The following MAPKAP1 variants were observed in gnomAD, a reference collection of about 807,000 sequenced individuals.
MAPKAP1 encodes the protein target of rapamycin complex 2 subunit MAPKAP1.
Under a neutral mutation model 65.7 loss-of-function variants are expected in MAPKAP1, and 20 were observed. The ratio of observed to expected loss-of-function variants is 0.30; its 90% CI spans 0.21 to 0.44. The LOEUF (loss-of-function observed/expected upper bound fraction) is 0.44, where lower values mean the gene tolerates loss of function less well. Among genes scored for constraint, MAPKAP1 ranks in the 20% least tolerant of loss-of-function variants. The pLI, the probability that MAPKAP1 is intolerant of heterozygous loss-of-function variation, is 1.00. For missense variants in MAPKAP1, 423 were observed against 648.0 expected, an observed-to-expected ratio of 0.65 and a Z score of 3.77; for synonymous variants, 222 against 244.3, an observed-to-expected ratio of 0.91 and a Z score of 0.85.
At chr9:125,536,654 A>G (rs912869413) in intron 7 of MAPKAP1, among the ~76,000 whole-genome samples, 2 of 152,160 alleles carry the variant, frequency 1.3e-5, no homozygotes, top group Non-Finnish European at 2.9e-5. Flanking sequence ...GGAAATCACA[A>G]ATTTGTGTCC....
At chr9:125,511,327 T>A (rs1000554691) in intron 7 of MAPKAP1, among the ~76,000 whole-genome samples, 7 of 152,174 alleles carry the variant, frequency 4.6e-5, no homozygotes, top group African/African-American at 1.7e-4. Context: ...ATTCACTCTT[T>A]GGTCACCCTA....
At chr9:125,459,439 G>A (rs1217635178) in intron 10 of MAPKAP1, among the ~76,000 whole-genome samples, 6 of 151,328 alleles carry the variant, frequency 4.0e-5, no homozygotes, top group South Asian at 2.1e-4. Flanking sequence ...CTGCAATCTC[G>A]GCACTTTGGG....
At chr9:125,670,922 T>C (rs889939142) in intron 2 of MAPKAP1, among the ~76,000 whole-genome samples, 2 of 152,230 alleles carry the variant, frequency 1.3e-5, no homozygotes, top group African/African-American at 2.4e-5. Context: ...TGCCTTAGCA[T>C]TGTGGTAGGG....
intron 4 of MAPKAP1, among the ~76,000 whole-genome samples, chr9:125,588,279 T>A (rs990895468): frequency 6.6e-6 from 1 of 152,144 alleles, no homozygotes; most frequent in Admixed American, 6.5e-5. Flanking sequence ...GAAAACATCA[T>A]GCTAAGAGAA....
At chr9:125,469,060 T>A (rs1238290308) in intron 9 of MAPKAP1, among the ~76,000 whole-genome samples, 1 of 152,182 alleles carries the variant, frequency 6.6e-6, no homozygotes, top group Non-Finnish European at 1.5e-5. Context: ...AATTAAGGAA[T>A]CTGTTCATGA....
At chr9:125,657,119 A>T (rs926711737) in intron 4 of MAPKAP1, among the ~76,000 whole-genome samples, 2 of 152,326 alleles carry the variant, frequency 1.3e-5, no homozygotes, top group Non-Finnish European at 2.9e-5. Context: ...CAGTTATAAT[A>T]ATCAGCCAAG....
intron 6 of MAPKAP1, among the ~76,000 whole-genome samples, chr9:125,550,360 C>T (rs1454095180): frequency 2.6e-5 from 4 of 152,084 alleles, no homozygotes; most frequent in African/African-American, 9.7e-5. Flanking sequence ...CTAAACATGG[C>T]CAAAGGGGGA....
At chr9:125,467,860 C>T (rs1589217068) in intron 10 of MAPKAP1, 112 bp downstream of exon 10, 1 of 1,208,622 alleles carries the variant, frequency 8.3e-7, no homozygotes, top group Admixed American at 2.3e-5. Context: ...TGAATTAAAA[C>T]AGACCCAAGG....
At chr9:125,531,625 T>G (rs143802446) in intron 7 of MAPKAP1, among the ~76,000 whole-genome samples, 1 of 152,240 alleles carries the variant, frequency 6.6e-6, no homozygotes, top group Non-Finnish European at 1.5e-5. Context: ...GTATCAACAG[T>G]ATCTAAATGA....
chr9:125,567,290 T>C (rs564602605), intron 5 of MAPKAP1, among the ~76,000 whole-genome samples: 2 of 152,318 alleles, frequency 1.3e-5, no homozygotes, highest in African/African-American at 4.8e-5. Context: ...GGTTAAGGCA[T>C]TTGGATGAGA....
chr9:125,541,912 G>A (rs1275397978), intron 7 of MAPKAP1, among the ~76,000 whole-genome samples: 3 of 152,186 alleles, frequency 2.0e-5, no homozygotes, highest in Admixed American at 2.0e-4. Flanking sequence ...ATCAAACGGC[G>A]CAGTCAGCTG....
chr9:125,438,747 C>T lies in MAPKAP1; in HGVS notation c.*140G>A, dbSNP rs567356027. On this transcript the variant is annotated 3_prime_UTR_variant, in exon 12 of 12. Coordinates refer to ENST00000265960, the MANE Select transcript of MAPKAP1 (RefSeq NM_001006617.3). ...CCTAGGGGGCCCCCGACACCTTCCC[C>T]GAGAGCCCACCTGCCCTGTGCCAGT... 2.4e-4 allele frequency: 283 copies of T among 1,197,370 alleles called. No homozygotes were observed. The South Asian group carries it at 3.8e-3, about 16-fold the overall frequency. The allele number at this position is 1,197,370 out of a possible 1,614,324, so 74.2% of individuals were successfully genotyped here.
chr9:125,631,053 C>T (rs948177668), intron 4 of MAPKAP1, among the ~76,000 whole-genome samples: 2 of 151,726 alleles, frequency 1.3e-5, no homozygotes, highest in African/African-American at 4.8e-5. Context: ...GCTGTCATCA[C>T]ACCACTGCAC....
At chr9:125,619,865 A>G (rs1171620944) in intron 4 of MAPKAP1, among the ~76,000 whole-genome samples, 1 of 152,162 alleles carries the variant, frequency 6.6e-6, no homozygotes, top group Admixed American at 6.5e-5. Flanking sequence ...ATAATAAACT[A>G]GGCTAATCTC....
chr9:125,554,131 A>T (rs115344027), intron 6 of MAPKAP1, among the ~76,000 whole-genome samples: 1,662 of 152,314 alleles, frequency 0.011, 39 homozygotes, highest in African/African-American at 0.037. Context: ...TAACAAACTT[A>T]GTAAAAGTCA....
chr9:125,626,332 T>C (rs1833117811), intron 4 of MAPKAP1, among the ~76,000 whole-genome samples: 1 of 152,220 alleles, frequency 6.6e-6, no homozygotes, highest in Admixed American at 6.5e-5. Flanking sequence ...CTGGCTAGCC[T>C]TCTGGAAACA....
At chr9:125,690,898 G>T (rs75972136) in intron 1 of MAPKAP1, among the ~76,000 whole-genome samples, 3,108 of 152,250 alleles carry the variant, frequency 0.02, 40 homozygotes, top group South Asian at 0.041. Flanking sequence ...GCCCAGAGAT[G>T]ATGAAATCTG....
chr9:125,556,671 G>A (rs1328549888), intron 6 of MAPKAP1, among the ~76,000 whole-genome samples: 1 of 152,172 alleles, frequency 6.6e-6, no homozygotes, highest in Non-Finnish European at 1.5e-5. Context: ...AAGGAGGAAA[G>A]GGGGGAAATG....
At chr9:125,594,730 T>C (rs915358244) in intron 4 of MAPKAP1, among the ~76,000 whole-genome samples, 1 of 152,292 alleles carries the variant, frequency 6.6e-6, no homozygotes, top group African/African-American at 2.4e-5. Flanking sequence ...CAGCTGTGAA[T>C]TACATAAAGG....
Sources: gnomAD v4.1 joint callset for allele counts (sites outside exome capture counted in the v4.1 genomes callset) on GRCh38, gnomAD v4.1.1 for gene constraint, MANE v1.5 for transcripts, NCBI Gene and HGNC (gene_info 2026-07-23, HGNC 2026-07-21) for gene names.